ZNHIT3: variants seen among roughly 807,000 people sequenced by gnomAD.
The protein encoded by ZNHIT3 is zinc finger HIT-type containing 3.
In ZNHIT3, 27 loss-of-function variants were observed where a neutral mutation model predicts 19.9. That is an observed-to-expected ratio of 1.36 (90% CI 1.00 to 1.87). The LOEUF (loss-of-function observed/expected upper bound fraction) is 1.87. Among genes scored for constraint, ZNHIT3 ranks in the 40% most tolerant of loss-of-function variants. The pLI is 0.00. For synonymous variants in ZNHIT3, 81 were observed against 65.7 expected (o/e 1.23, Z -1.13); for missense variants, 215 against 185.6 (o/e 1.16, Z -0.92).
At chr17:36,496,499 G>A, downstream of ZNHIT3, 1 of 1,232,136 alleles carries the variant, frequency 8.1e-7, no homozygotes, top group African/African-American at 1.5e-5. Flanking sequence ...AATGCAAGAA[G>A]GTATGGACAA....
At chr17:36,496,019 A>T, downstream of ZNHIT3, 1 of 792,464 alleles carries the variant, frequency 1.3e-6, no homozygotes, top group Middle Eastern at 4.0e-4. Flanking sequence ...GATGTTTCTT[A>T]ACCCTGATTT....
At chr17:36,488,131 C>T (rs1366225025) in intron 2 of ZNHIT3, among the ~76,000 whole-genome samples, 2 of 148,134 alleles carry the variant, frequency 1.4e-5, no homozygotes. Context: ...TAGATTCTTT[C>T]AGCTTATTTC....
intron 2 of ZNHIT3, chr17:36,492,471 G>C (rs2070749272): frequency 4.0e-6 from 1 of 251,430 alleles, no homozygotes; most frequent in Non-Finnish European, 7.5e-6. Flanking sequence ...TAAGTTCTTT[G>C]GTGGTTTTGC....
At chr17:36,496,098 G>T, downstream of ZNHIT3, 1 of 1,070,488 alleles carries the variant, frequency 9.3e-7, no homozygotes, top group Non-Finnish European at 1.4e-6. Context: ...TGACGCACTG[G>T]GCACGGGGCT....
chr17:36,496,088 T>C, downstream of ZNHIT3: 1 of 992,052 alleles, frequency 1.0e-6, no homozygotes, highest in Non-Finnish European at 1.5e-6. Context: ...CCAGGCCCAC[T>C]GACGCACTGG....
chr17:36,493,081 C>T (rs2070765153), intron 3 of ZNHIT3, 182 bp downstream of exon 3: 1 of 629,116 alleles, frequency 1.6e-6, no homozygotes, highest in African/African-American at 1.8e-5. Flanking sequence ...GAGGCAACAG[C>T]CTGAAAGCAG....
chr17:36,495,794 TTAAA>T lies in ZNHIT3; in HGVS notation c.*396_*399del, dbSNP rs2070916392. On this transcript the variant is annotated 3_prime_UTR_variant, in exon 5 of 5. Coordinates refer to ENST00000617429, the MANE Select transcript of ZNHIT3 (RefSeq NM_004773.4). ...CATAATTTAATTGTTTGAAATTACA[TTAAA>T]TAAATCAACTAATTAAATACTAAAG... 4.8e-6 allele frequency: 6 copies of T among 1,240,344 alleles called. No homozygotes were observed. The highest frequency in any genetic ancestry group is 2.0e-6 in the Non-Finnish European group (2 of 992,564). The allele number at this position is 1,240,344 out of a possible 1,614,324, so 76.8% of individuals were successfully genotyped here. A position where few individuals can be genotyped will look rare whatever the true frequency, so the allele number is the denominator to read the frequency against.
chr17:36,498,124 G>A (rs1037060391), downstream of ZNHIT3: 22 of 810,746 alleles, frequency 2.7e-5, no homozygotes, highest in South Asian at 1.4e-4. Flanking sequence ...CAGCTGATTG[G>A]GACATGCAGC....
downstream of ZNHIT3, chr17:36,495,937 A>T: frequency 9.5e-7 from 1 of 1,047,908 alleles, no homozygotes; most frequent in Non-Finnish European, 1.2e-6. Context: ...TGGAATTGGG[A>T]TCCCCAGTGT....
intron 2 of ZNHIT3, among the ~76,000 whole-genome samples, chr17:36,487,705 C>T (rs1036337252): frequency 7.9e-5 from 12 of 151,808 alleles, no homozygotes; most frequent in African/African-American, 2.2e-4. Context: ...GCAGGAGAAT[C>T]GCTTGAACCC....
intron 2 of ZNHIT3, chr17:36,492,542 T>C (rs969894502): frequency 1.5e-5 from 7 of 459,360 alleles, no homozygotes; most frequent in African/African-American, 4.0e-5. Context: ...CCTCAGTTAA[T>C]TGTGGTGAGA....
chr17:36,487,013 C>G (rs1451042170), intron 2 of ZNHIT3, 47 bp downstream of exon 2: 2 of 1,601,686 alleles, frequency 1.2e-6, no homozygotes, highest in South Asian at 2.2e-5. Context: ...CACGGGGCAG[C>G]CCCCACGTCC....
intron 2 of ZNHIT3, 24 bp from the exon 3 acceptor site, chr17:36,492,789 G>T: frequency 6.2e-7 from 1 of 1,609,498 alleles, no homozygotes; most frequent in Non-Finnish European, 8.5e-7. Context: ...GGTAATGTGG[G>T]CCTGGGATTT....
rs112247194 is a variant in ZNHIT3, at chr17:36,490,883, G to C, written c.119-1930G>C. 449 of 152,234 alleles carry C rather than the reference G, an allele frequency of 2.9e-3. 1 individual carries two copies. Among genetic ancestry groups the C allele is most frequent in the Non-Finnish European group, 4.8e-3 (325 of 68,056 alleles). 9.4% of individuals were successfully genotyped at this position (152,234 alleles called of 1,614,324 possible). On this transcript the variant is annotated intron_variant, in intron 2 of 4. Coordinates refer to ENST00000617429, the MANE Select transcript of ZNHIT3 (RefSeq NM_004773.4). ...TCTGTCACCCAGGCTGGAGTGCAGT[G>C]GTGCTCACTATAGCCTTGACTTCCT...
chr17:36,495,995 T>C, downstream of ZNHIT3: 1 of 793,744 alleles, frequency 1.3e-6, no homozygotes, highest in Non-Finnish European at 1.8e-6. Context: ...GTGAAGGTAG[T>C]GAAATGTGGC....
downstream of ZNHIT3, chr17:36,498,627 AAACT>A: frequency 6.8e-7 from 1 of 1,469,622 alleles, no homozygotes; most frequent in Non-Finnish European, 9.1e-7. Context: ...ATGGAAATCA[AAACT>A]ATCTTTAACA....
chr17:36,495,831 C>G, downstream of ZNHIT3: 1 of 1,240,806 alleles, frequency 8.1e-7, no homozygotes, highest in South Asian at 4.1e-5. Flanking sequence ...AAGTTTTGTT[C>G]CTTTTTAAAG....
chr17:36,496,377 A>C (rs1427958148), downstream of ZNHIT3: 3 of 1,613,890 alleles, frequency 1.9e-6, no homozygotes, highest in African/African-American at 4.0e-5. Flanking sequence ...ACCGCAGTGG[A>C]GACTTTCTGC....
intron 2 of ZNHIT3, among the ~76,000 whole-genome samples, chr17:36,488,975 C>G (rs1180215741): frequency 6.6e-6 from 1 of 152,234 alleles, no homozygotes; most frequent in Non-Finnish European, 1.5e-5. Flanking sequence ...CCCCTACACT[C>G]TACTCTTCCT....
Sources: gnomAD v4.1 joint callset for allele counts (sites outside exome capture counted in the v4.1 genomes callset) on GRCh38, gnomAD v4.1.1 for gene constraint, MANE v1.5 for transcripts, NCBI Gene and HGNC (gene_info 2026-07-23, HGNC 2026-07-21) for gene names.